The following ZFPM2 variants were observed in gnomAD, a reference collection of about 807,000 sequenced individuals.
ZFPM2 encodes zinc finger protein, FOG family member 2, also known as zinc finger protein ZFPM2.
In ZFPM2, 20 loss-of-function variants were observed where a neutral mutation model predicts 98.6. The observed-to-expected ratio is 0.20, with a 90% CI of 0.14 to 0.29. The LOEUF (loss-of-function observed/expected upper bound fraction) is 0.29, where lower values mean the gene tolerates loss of function less well. Ranked by LOEUF, ZFPM2 falls within the 10% of genes least tolerant of loss-of-function variation. The pLI, the probability that ZFPM2 is intolerant of heterozygous loss-of-function variation, is 1.00. For synonymous variants in ZFPM2, 518 were observed against 502.7 expected (o/e 1.03, Z -0.41); for missense variants, 1,310 against 1,388.6 (o/e 0.94, Z 0.90).
intron 5 of ZFPM2, among the ~76,000 whole-genome samples, chr8:105,748,378 A>C (rs1293253642): frequency 6.6e-6 from 1 of 152,070 alleles, no homozygotes; most frequent in Admixed American, 6.6e-5. Context: ...TTAATTAAAT[A>C]TTAGGCTAAG....
intron 5 of ZFPM2, among the ~76,000 whole-genome samples, chr8:105,728,670 G>A (rs78552402): frequency 1.4e-4 from 22 of 151,834 alleles, no homozygotes; most frequent in East Asian, 3.9e-4. Flanking sequence ...ATTAAATCTC[G>A]TGCAAAGAAT....
chr8:105,342,969 C>G (rs17282623), intron 1 of ZFPM2, among the ~76,000 whole-genome samples: 17,072 of 151,956 alleles, frequency 0.11, 1,147 homozygotes, highest in Non-Finnish European at 0.15. Context: ...GACTCAAGTG[C>G]TTAAGGCTGA....
At chr8:105,378,506 A>T (rs923652116) in intron 1 of ZFPM2, among the ~76,000 whole-genome samples, 5 of 152,184 alleles carry the variant, frequency 3.3e-5, no homozygotes, top group African/African-American at 1.2e-4. Context: ...AAGATGAAGC[A>T]CTGTGTTTTG....
At chr8:105,666,466 T>G (rs575629120) in intron 5 of ZFPM2, among the ~76,000 whole-genome samples, 3 of 152,228 alleles carry the variant, frequency 2.0e-5, no homozygotes, top group Non-Finnish European at 4.4e-5. Flanking sequence ...CCTTTCCATC[T>G]GTTGCTTTAC....
chr8:105,478,733 A>G (rs965230753), intron 3 of ZFPM2, among the ~76,000 whole-genome samples: 1 of 152,202 alleles, frequency 6.6e-6, no homozygotes, highest in Non-Finnish European at 1.5e-5. Context: ...TTTCATAAGC[A>G]TCTTTTTCCT....
intron 4 of ZFPM2, among the ~76,000 whole-genome samples, chr8:105,621,243 A>G (rs1816537086): frequency 6.6e-6 from 1 of 152,120 alleles, no homozygotes; most frequent in Non-Finnish European, 1.5e-5. Context: ...AGTCCTTCAC[A>G]TCCCTTGTAA....
chr8:105,534,785 A>G (rs1814413971), intron 3 of ZFPM2, among the ~76,000 whole-genome samples: 1 of 152,180 alleles, frequency 6.6e-6, no homozygotes, highest in Non-Finnish European at 1.5e-5. Context: ...AAGAGGCCTG[A>G]GAAGACATTA....
intron 3 of ZFPM2, among the ~76,000 whole-genome samples, chr8:105,483,149 C>G (rs1054329021): frequency 6.6e-6 from 1 of 151,830 alleles, no homozygotes; most frequent in Non-Finnish European, 1.5e-5. Context: ...GCATGAGCCA[C>G]GGCACACAGC....
chr8:105,581,888 T>C (rs1250131788), intron 4 of ZFPM2, among the ~76,000 whole-genome samples: 1 of 152,244 alleles, frequency 6.6e-6, no homozygotes, highest in Non-Finnish European at 1.5e-5. Flanking sequence ...CATTCTGTGA[T>C]ACCATCACAT....
At chr8:105,753,290 A>G (rs1291347962) in intron 5 of ZFPM2, among the ~76,000 whole-genome samples, 1 of 152,108 alleles carries the variant, frequency 6.6e-6, no homozygotes, top group Admixed American at 6.6e-5. Context: ...GACTTTTAGC[A>G]CTTGGAGGTT....
intron 6 of ZFPM2, among the ~76,000 whole-genome samples, chr8:105,793,354 T>C (rs1813684733): frequency 6.6e-6 from 1 of 152,184 alleles, no homozygotes; most frequent in Non-Finnish European, 1.5e-5. Context: ...AAGCTTAGTT[T>C]GGCTGGATAT....
chr8:105,707,181 G>GC (rs1282162449), intron 5 of ZFPM2, among the ~76,000 whole-genome samples: 2 of 150,162 alleles, frequency 1.3e-5, no homozygotes, highest in Non-Finnish European at 2.9e-5. Flanking sequence ...GATCAAAAGT[G>GC]CAGTAAGCTA....
chr8:105,555,375 C>T (rs1446944387), intron 3 of ZFPM2, among the ~76,000 whole-genome samples: 3 of 151,836 alleles, frequency 2.0e-5, no homozygotes, highest in East Asian at 1.9e-4. Context: ...TGTATGTGAA[C>T]GCATTACATA....
At position 105,385,361 on chromosome 8, in the gene ZFPM2, T is replaced by G. The variant is rs186417507; in HGVS notation, c.41-33783T>G. 2.1e-3 allele frequency among the ~76,000 whole-genome samples: 319 copies of G among 152,360 alleles called. 2 individuals are homozygous for G. Among genetic ancestry groups the G allele is most frequent in the African/African-American group, 7.4e-3 (308 of 41,598 alleles). ...AGTAGTGGAAATATTTGGGCTTCTC[T>G]TGAGCAACTACTTTATTTGTATTTT... On this transcript the variant is annotated intron_variant, in intron 1 of 7. Transcript: ENST00000407775.
At chr8:105,483,142 T>A (rs1440402384) in intron 3 of ZFPM2, among the ~76,000 whole-genome samples, 1 of 151,912 alleles carries the variant, frequency 6.6e-6, no homozygotes, top group African/African-American at 2.4e-5. Context: ...ATTATAGGCA[T>A]GAGCCACGGC....
intron 1 of ZFPM2, among the ~76,000 whole-genome samples, chr8:105,375,265 C>G (rs1810702531): frequency 6.6e-6 from 1 of 152,158 alleles, no homozygotes; most frequent in Non-Finnish European, 1.5e-5. Flanking sequence ...AGAAAGGAAT[C>G]TAACAGGGTC....
intron 4 of ZFPM2, among the ~76,000 whole-genome samples, chr8:105,628,758 A>G (rs1418240940): frequency 1.3e-5 from 2 of 152,046 alleles, no homozygotes; most frequent in Non-Finnish European, 2.9e-5. Context: ...CCACTTTCGT[A>G]GACAATAAAA....
At chr8:105,735,094 C>CAT (rs1352203038) in intron 5 of ZFPM2, among the ~76,000 whole-genome samples, 2 of 147,528 alleles carry the variant, frequency 1.4e-5, no homozygotes, top group South Asian at 2.1e-4. Context: ...AATATATACA[C>CAT]ATATATTATA....
chr8:105,492,541 C>T (rs1282500890), intron 3 of ZFPM2, among the ~76,000 whole-genome samples: 7 of 152,064 alleles, frequency 4.6e-5, no homozygotes, highest in African/African-American at 1.7e-4. Context: ...AATTGCCCTA[C>T]ACATAAAGGC....
Sources: allele counts gnomAD v4.1 joint callset (sites outside exome capture counted in the v4.1 genomes callset), GRCh38; gene constraint gnomAD v4.1.1; transcripts MANE v1.5; gene names NCBI Gene and HGNC (gene_info 2026-07-23, HGNC 2026-07-21).